SLC8A1: variants seen among roughly 807,000 people sequenced by gnomAD.
The protein encoded by SLC8A1 is solute carrier family 8 member A1, also known as sodium/calcium exchanger 1.
A neutral mutation model predicts 68.3 loss-of-function variants in SLC8A1; 18 were observed. The observed-to-expected ratio is 0.26, with a 90% CI of 0.18 to 0.39. SLC8A1 has a LOEUF of 0.39. SLC8A1 is among the 10% of genes least tolerant of loss of function. The probability of loss-of-function intolerance (pLI) is 1.00; values close to 1 mark genes in which losing one functional copy is unlikely to be tolerated. For missense variants in SLC8A1, 985 were observed against 1,156.7 expected, an observed-to-expected ratio of 0.85 and a Z score of 2.15; for synonymous variants, 475 against 415.5, an observed-to-expected ratio of 1.14 and a Z score of -1.74.
chr2:40,233,428 C>A (rs904924004), intron 2 of SLC8A1, among the ~76,000 whole-genome samples: 1 of 148,812 alleles, frequency 6.7e-6, no homozygotes, highest in Non-Finnish European at 1.5e-5. Context: ...CCTTTGCCCA[C>A]TTTTTGATGG....
intron 2 of SLC8A1, among the ~76,000 whole-genome samples, chr2:40,240,462 G>C (rs537220620): frequency 6.6e-6 from 1 of 152,166 alleles, no homozygotes; most frequent in African/African-American, 2.4e-5. Flanking sequence ...TATTTGGATT[G>C]GTTAAGAGGA....
At chr2:40,367,316 C>A (rs1225486297) in intron 2 of SLC8A1, among the ~76,000 whole-genome samples, 1 of 151,982 alleles carries the variant, frequency 6.6e-6, no homozygotes, top group Non-Finnish European at 1.5e-5. Flanking sequence ...CCTAGTCAAC[C>A]TGGAATTCCC....
intron 1 of SLC8A1, among the ~76,000 whole-genome samples, chr2:40,489,342 C>T (rs1003583876): frequency 2.6e-5 from 4 of 152,024 alleles, no homozygotes; most frequent in Non-Finnish European, 5.9e-5. Context: ...AGCATACGTG[C>T]AAACACATGT....
chr2:40,386,621 CA>C (rs76213179), intron 2 of SLC8A1, among the ~76,000 whole-genome samples: 20,610 of 126,984 alleles, frequency 0.16, 2,009 homozygotes, highest in East Asian at 0.22. Context: ...ATTTAAAAAT[CA>C]AAAAAAAAAA....
exon 2 of SLC8A1, chr2:40,428,859 T>C (rs1314754809): frequency 6.2e-7 from 1 of 1,613,820 alleles, no homozygotes; most frequent in South Asian, 1.1e-5. Context: ...CCACTCTGAT[T>C]TCCTTCTGGG....
chr2:40,238,988 A>C (rs1231892090), intron 2 of SLC8A1, among the ~76,000 whole-genome samples: 1 of 152,154 alleles, frequency 6.6e-6, no homozygotes, highest in Non-Finnish European at 1.5e-5. Flanking sequence ...TCCAAAACAT[A>C]AGATACAATT....
intron 2 of SLC8A1, among the ~76,000 whole-genome samples, chr2:40,397,725 C>T (rs929052416): frequency 6.6e-6 from 1 of 152,114 alleles, no homozygotes; most frequent in African/African-American, 2.4e-5. Flanking sequence ...AGGATTCTCA[C>T]CAGGAGAACC....
exon 8 of SLC8A1, chr2:40,107,704 T>A (rs1488814581): frequency 6.6e-6 from 1 of 152,170 alleles, no homozygotes; most frequent in Non-Finnish European, 1.5e-5. Flanking sequence ...AAAGGATATC[T>A]GATACTAGGA....
intron 2 of SLC8A1, among the ~76,000 whole-genome samples, chr2:40,317,188 A>C (rs1484002345): frequency 6.6e-6 from 1 of 152,042 alleles, no homozygotes; most frequent in East Asian, 1.9e-4. Context: ...CCCTGACTCA[A>C]GCAGAGATAC....
intron 2 of SLC8A1, among the ~76,000 whole-genome samples, chr2:40,222,858 T>C (rs2148850526): frequency 6.6e-6 from 1 of 152,274 alleles, no homozygotes. Context: ...CATTAAAAAG[T>C]CAGGGAACAA....
chr2:40,224,747 A>G (rs2058762714), intron 2 of SLC8A1, among the ~76,000 whole-genome samples: 1 of 152,180 alleles, frequency 6.6e-6, no homozygotes, highest in African/African-American at 2.4e-5. Context: ...TCAAACAGGA[A>G]TATTGCCTCA....
chr2:40,329,940 T>C lies in SLC8A1; in HGVS notation c.1808+98533A>G, dbSNP rs556881744. Among the ~76,000 whole-genome samples the C allele has an allele frequency of 3.3e-5, 5 of 152,218 alleles. 1 individual carries two copies. In the South Asian group the frequency reaches 8.3e-4, roughly 25 times the overall value. On this transcript the variant is annotated intron_variant, in intron 2 of 7. Coordinates refer to ENST00000406785, the Ensembl canonical transcript of SLC8A1. ...TTATTTATCACTTACCCTGGGAAAG[T>C]ACTATGTAATAAAAAGGGGGGGAAA...
At chr2:40,472,787 A>G (rs1162110870) in intron 1 of SLC8A1, among the ~76,000 whole-genome samples, 1 of 152,174 alleles carries the variant, frequency 6.6e-6, no homozygotes, top group African/African-American at 2.4e-5. Context: ...GTGGAATCTA[A>G]ACTTACGGAT....
chr2:40,227,300 T>A (rs2059103491), intron 2 of SLC8A1, among the ~76,000 whole-genome samples: 1 of 152,096 alleles, frequency 6.6e-6, no homozygotes, highest in South Asian at 2.1e-4. Flanking sequence ...TGTTTTTCTT[T>A]CTCACCACTC....
rs79827485 is a variant in SLC8A1 at position 40,419,630 on chromosome 2, T to C, written c.1808+8843A>G. ...ACACAGATATACACACTGAACTGAA[T>C]AGCTCATTTTTCAAAACTGTGTCAA... On this transcript the variant is annotated intron_variant, in intron 2 of 7. Transcript: ENST00000406785. 3.3e-3 allele frequency among the ~76,000 whole-genome samples: 508 copies of C among 152,222 alleles called. 2 individuals carry two copies. Among genetic ancestry groups the C allele is most frequent in the African/African-American group, 0.012 (482 of 41,548 alleles).
At chr2:40,352,101 GAAAT>G (rs1285751753) in intron 2 of SLC8A1, among the ~76,000 whole-genome samples, 36 of 152,074 alleles carry the variant, frequency 2.4e-4, no homozygotes, top group Admixed American at 2.0e-3. Context: ...ATTTCCTATG[GAAAT>G]AAATAGATTA....
Position 40,324,217 on chromosome 2 carries a change from C to T in SLC8A1, c.1808+104256G>A, listed in dbSNP as rs568002880. On this transcript the variant is annotated intron_variant, in intron 2 of 7. Coordinates refer to ENST00000406785, the Ensembl canonical transcript of SLC8A1. ...AGTGAAGAGCTTTTAACTTTTAGAT[C>T]GATACTGGGTTAAAAGTAGAGGTAG... Among the ~76,000 whole-genome samples, 27 of 151,978 alleles carry T rather than the reference C, an allele frequency of 1.8e-4. 1 individual carries two copies. The South Asian group carries it at 2.7e-3, about 15-fold the overall frequency.
At chr2:40,207,521 A>G (rs1483524329) in intron 2 of SLC8A1, among the ~76,000 whole-genome samples, 1 of 152,150 alleles carries the variant, frequency 6.6e-6, no homozygotes, top group Non-Finnish European at 1.5e-5. Flanking sequence ...CCAAGGTATA[A>G]TAAAATATTT....
Position 40,338,308 on chromosome 2 carries a change from T to C in SLC8A1, c.1808+90165A>G, listed in dbSNP as rs1277599016. ...TAAATTTGGCACCTGGTTTTACTAA[T>C]CTGTAAACAAAAACAAACAACAGTG... On this transcript the variant is annotated intron_variant, in intron 2 of 7. Coordinates refer to ENST00000406785, the Ensembl canonical transcript of SLC8A1. Among the ~76,000 whole-genome samples, 4 of 152,304 alleles carry C rather than the reference T, an allele frequency of 2.6e-5. No homozygotes were observed. The East Asian group carries it at 7.7e-4, about 29-fold the overall frequency.
Sources: gnomAD v4.1 joint callset for allele counts (sites outside exome capture counted in the v4.1 genomes callset) on GRCh38, gnomAD v4.1.1 for gene constraint, MANE v1.5 for transcripts, NCBI Gene and HGNC (gene_info 2026-07-23, HGNC 2026-07-21) for gene names.